The following TBC1D10A variants were observed in gnomAD, a reference collection of about 807,000 sequenced individuals.
TBC1D10A encodes TBC1 domain family member 10A.
In TBC1D10A, 24 loss-of-function variants were observed where a neutral mutation model predicts 52.9. The ratio of observed to expected loss-of-function variants is 0.45; its 90% CI spans 0.33 to 0.64. TBC1D10A has a LOEUF of 0.64. Ranked by LOEUF, TBC1D10A falls within the 30% of genes least tolerant of loss-of-function variation. TBC1D10A has a pLI of 0.02. For missense variants in TBC1D10A, 602 were observed against 687.9 expected, an observed-to-expected ratio of 0.88 and a Z score of 1.40; for synonymous variants, 278 against 282.9, an observed-to-expected ratio of 0.98 and a Z score of 0.17.
chr22:30,315,891 TAA>T, intron 1 of TBC1D10A, among the ~76,000 whole-genome samples: 1 of 152,216 alleles, frequency 6.6e-6, no homozygotes, highest in South Asian at 2.1e-4. Flanking sequence ...GCTGAAGTCC[TAA>T]GACTGGGACA....
intron 3 of TBC1D10A, chr22:30,296,821 GA>G (rs1930090574): frequency 6.6e-6 from 1 of 152,110 alleles, no homozygotes; most frequent in South Asian, 2.1e-4. Context: ...AAAAAAGAAA[GA>G]AAAAATAAAT....
intron 2 of TBC1D10A, among the ~76,000 whole-genome samples, chr22:30,301,132 T>G (rs1247854500): frequency 5.3e-5 from 8 of 152,210 alleles, no homozygotes; most frequent in Non-Finnish European, 1.0e-4. Context: ...CCGCACAGGC[T>G]GGAGGGACCC....
intron 1 of TBC1D10A, among the ~76,000 whole-genome samples, chr22:30,315,739 G>A (rs1209216870): frequency 3.3e-5 from 5 of 152,364 alleles, no homozygotes; most frequent in Admixed American, 3.3e-4. Flanking sequence ...TCACGACCCA[G>A]CTACTCCTGC....
chr22:30,319,640 A>C (rs1419975720), intron 1 of TBC1D10A, among the ~76,000 whole-genome samples: 2 of 152,178 alleles, frequency 1.3e-5, no homozygotes, highest in African/African-American at 2.4e-5. Context: ...AGACAGAGAA[A>C]GCCAAAGTTG....
chr22:30,308,352 C>T (rs1478558309), intron 1 of TBC1D10A, among the ~76,000 whole-genome samples: 1 of 152,084 alleles, frequency 6.6e-6, no homozygotes, highest in Admixed American at 6.6e-5. Context: ...GCCTGCCTGC[C>T]TAGATCTCGT....
intron 1 of TBC1D10A, among the ~76,000 whole-genome samples, chr22:30,325,777 A>G (rs1399139993): frequency 6.6e-6 from 1 of 152,036 alleles, no homozygotes; most frequent in East Asian, 1.9e-4. Flanking sequence ...TGCTAATATG[A>G]GCAGGGACCC....
At chr22:30,303,212 G>A (rs1601673055) in intron 2 of TBC1D10A, among the ~76,000 whole-genome samples, 1 of 152,166 alleles carries the variant, frequency 6.6e-6, no homozygotes, top group Non-Finnish European at 1.5e-5. Context: ...CCAGGAGTTC[G>A]AGGCTGCAGT....
At chr22:30,308,726 G>A (rs1301922345) in intron 1 of TBC1D10A, among the ~76,000 whole-genome samples, 2 of 152,018 alleles carry the variant, frequency 1.3e-5, no homozygotes, top group East Asian at 3.9e-4. Context: ...CCTACCACAC[G>A]CCCCAGGTGT....
At position 30,297,617 on chromosome 22, in the gene TBC1D10A, A is replaced by G. The variant is rs1244784697; in HGVS notation, c.418-1774T>C. ...CGCCATCATAAGGTGAAGCCAGAGA[A>G]GAAAGCCAGGTAAAAAAGGACAGGA... On this transcript the variant is annotated intron_variant, in intron 3 of 8. Transcript: ENST00000215790. This position sits in a 1 kb window ranked among gnomAD's most constrained non-coding sequence, Gnocchi z 4.3. The G allele has an allele frequency of 6.6e-6, 1 of 152,306 alleles. No individual in the cohort carries two copies. The allele number at this position is 152,306 out of a possible 1,614,324, so 9.4% of individuals were successfully genotyped here.
intron 1 of TBC1D10A, among the ~76,000 whole-genome samples, chr22:30,312,324 G>A (rs570258982): frequency 4.4e-4 from 67 of 152,222 alleles, no homozygotes; most frequent in Non-Finnish European, 7.4e-4. Context: ...GCCCAGACTC[G>A]TCCATGGCTC....
intron 1 of TBC1D10A, among the ~76,000 whole-genome samples, chr22:30,308,277 AGCCTGCAT>A (rs796209927): frequency 1.1e-4 from 9 of 81,164 alleles, no homozygotes; most frequent in East Asian, 9.9e-4. Flanking sequence ...GCCTCCACAC[AGCCTGCAT>A]GCCTGCATGC....
At chr22:30,305,338 C>G (rs1405627005) in intron 1 of TBC1D10A, among the ~76,000 whole-genome samples, 1 of 152,222 alleles carries the variant, frequency 6.6e-6, no homozygotes, top group Non-Finnish European at 1.5e-5. Flanking sequence ...AAAGTCTTGA[C>G]CCTCATGGAG....
At chr22:30,325,623 C>T (rs181403550) in intron 1 of TBC1D10A, among the ~76,000 whole-genome samples, 1 of 152,086 alleles carries the variant, frequency 6.6e-6, no homozygotes, top group Non-Finnish European at 1.5e-5. Flanking sequence ...CCAGCCTGTA[C>T]ACATGATCTC....
chr22:30,302,834 C>T (rs145201414), intron 2 of TBC1D10A, among the ~76,000 whole-genome samples: 1 of 152,208 alleles, frequency 6.6e-6, no homozygotes, highest in African/African-American at 2.4e-5. Flanking sequence ...TTCAAGAACA[C>T]GGAAGGTCCC....
intron 1 of TBC1D10A, among the ~76,000 whole-genome samples, chr22:30,325,637 G>A (rs921759850): frequency 1.3e-5 from 2 of 152,158 alleles, no homozygotes; most frequent in African/African-American, 4.8e-5. Flanking sequence ...TGATCTCTGA[G>A]GCCTGGGCTC....
chr22:30,295,177 C>A, intron 4 of TBC1D10A, 122 bp from the exon 5 acceptor site: 1 of 934,820 alleles, frequency 1.1e-6, no homozygotes, highest in Admixed American at 2.1e-5. Context: ...GGAAGGTGAT[C>A]TGCTTGTGGT....
chr22:30,302,980 G>A (rs189960573), intron 2 of TBC1D10A, among the ~76,000 whole-genome samples: 30 of 152,300 alleles, frequency 2.0e-4, no homozygotes, highest in Non-Finnish European at 3.8e-4. Flanking sequence ...TCTTAACATT[G>A]TTTTTTAAAA....
At chr22:30,314,542 G>A (rs1382956127) in intron 1 of TBC1D10A, among the ~76,000 whole-genome samples, 2 of 152,268 alleles carry the variant, frequency 1.3e-5, no homozygotes, top group East Asian at 1.9e-4. Flanking sequence ...AGGCACAGTA[G>A]CTCACGCCTA....
In TBC1D10A at chr22:30,292,572, G is replaced by A; in HGVS notation, c.1330C>T (p.Gln444Ter). The change falls in exon 9 of 9, where the codon CAG (glutamine) becomes TAG (stop). Residue 444 changes from glutamine (Q) to a stop codon, truncating the protein, a stop_gained. Coordinates refer to ENST00000215790, the MANE Select transcript of TBC1D10A (RefSeq NM_031937.3). LOFTEE classifies it low-confidence loss of function (END_TRUNC). ...TTTGGGGCTGGGGGCTTCTCCAGCTGCCCTCTCCCCTTCATCTGTTTCCGC... is the reference window on the plus strand; with the variant it reads ...TTTGGGGCTGGGGGCTTCTCCAGCTACCCTCTCCCCTTCATCTGTTTCCGC... The part of the protein sequence containing the change: ...EQRKQMKGRG[Q>*]LEKPPAPNQA... The A allele has an allele frequency of 6.2e-7, 1 of 1,613,696 alleles. No individual in the cohort carries two copies. Among genetic ancestry groups the A allele is most frequent in the Non-Finnish European group, 8.5e-7 (1 of 1,179,904 alleles).
Sources: gnomAD v4.1 joint callset for allele counts (sites outside exome capture counted in the v4.1 genomes callset) on GRCh38, gnomAD v4.1.1 for gene constraint, Gnocchi (gnomAD v3.1) non-coding constraint, MANE v1.5 for transcripts, NCBI Gene and HGNC (gene_info 2026-07-23, HGNC 2026-07-21) for gene names.